The following FLRT2 variants were observed in gnomAD, a reference collection of about 807,000 sequenced individuals.
FLRT2 encodes the protein fibronectin leucine rich transmembrane protein 2, also known as leucine-rich repeat transmembrane protein FLRT2.
In FLRT2, 15 loss-of-function variants were observed where a neutral mutation model predicts 40.0. That is an observed-to-expected ratio of 0.38 (90% CI 0.25 to 0.58). FLRT2 has a LOEUF of 0.58. Among genes scored for constraint, FLRT2 ranks in the 20% least tolerant of loss-of-function variants. The probability of loss-of-function intolerance (pLI) is 0.71; values close to 1 mark genes in which losing one functional copy is unlikely to be tolerated. For missense variants in FLRT2, 726 were observed against 840.0 expected (o/e 0.86, Z 1.68); for synonymous variants, 380 against 336.8 (o/e 1.13, Z -1.41).
intron 1 of FLRT2, among the ~76,000 whole-genome samples, chr14:85,533,874 C>CCGCCGCCGT (rs1379351579): frequency 6.6e-6 from 1 of 151,890 alleles, no homozygotes; most frequent in African/African-American, 2.4e-5. Flanking sequence ...GCTCCAGCAG[C>CCGCCGCCGT]CGCCGCCGTC....
rs1566774427 is a variant in FLRT2 at position 85,643,319 on chromosome 14, CT to C, written c.*19825del. On this transcript the variant is annotated 3_prime_UTR_variant, in exon 2 of 2. Coordinates refer to ENST00000330753, the MANE Select transcript of FLRT2 (RefSeq NM_013231.6). Reference sequence around the variant, plus strand: ...TCTTTCTTTCTTTCTTTCTTTCTTTCTTTCTTTCTTTCTTTCTTTCTTTCTT... The same window carrying C: ...TCTTTCTTTCTTTCTTTCTTTCTTTCTTCTTTCTTTCTTTCTTTCTTTCTT... 5.6e-5 allele frequency: 6 copies of C among 107,506 alleles called. No individual in the cohort carries two copies. Among genetic ancestry groups the C allele is most frequent in the South Asian group, 3.9e-4 (1 of 2,592 alleles). The allele number at this position is 107,506 out of a possible 1,614,324, so 6.7% of individuals were successfully genotyped here.
intron 1 of FLRT2, among the ~76,000 whole-genome samples, chr14:85,542,840 A>G (rs1236958667): frequency 6.6e-6 from 1 of 152,184 alleles, no homozygotes; most frequent in Non-Finnish European, 1.5e-5. Flanking sequence ...ACAAAGATTG[A>G]GTCCTCACTG....
At chr14:85,553,558 T>A (rs1384556175) in intron 1 of FLRT2, among the ~76,000 whole-genome samples, 1 of 152,194 alleles carries the variant, frequency 6.6e-6, no homozygotes, top group Non-Finnish European at 1.5e-5. Context: ...AAGCTTGATC[T>A]AAGGGTTATT....
rs1177964032 is a variant in FLRT2 at position 85,632,200 on chromosome 14, C to T, written c.*8703C>T. The stretch of plus-strand genomic sequence containing the variant: ...TGCAGAAAAGCATACAAAGAGGTAT[C>T]TTTAAAAATCACCTTAATCCCAGCA... On this transcript the variant is annotated 3_prime_UTR_variant, in exon 2 of 2. Transcript: ENST00000330753. 1.3e-5 allele frequency: 2 copies of T among 150,452 alleles called. No individual in the cohort carries two copies. Among genetic ancestry groups the T allele is most frequent in the Non-Finnish European group, 3.0e-5 (2 of 67,772 alleles). 9.3% of individuals were successfully genotyped at this position (150,452 alleles called of 1,614,324 possible). A position where few individuals can be genotyped will look rare whatever the true frequency, so the allele number is the denominator to read the frequency against.
rs1481794006 is a variant in FLRT2 at position 85,648,560 on chromosome 14, C to T, written c.*25063C>T. ...TCCTGATTCCCAGAGAGCAATCACTCAGATGTGCTCTTGTACTTAATACTT... is the reference window on the plus strand; with the variant it reads ...TCCTGATTCCCAGAGAGCAATCACTTAGATGTGCTCTTGTACTTAATACTT... On this transcript the variant is annotated 3_prime_UTR_variant, in exon 2 of 2. Coordinates refer to ENST00000330753, the MANE Select transcript of FLRT2 (RefSeq NM_013231.6). The T allele has an allele frequency of 6.6e-6, 1 of 152,170 alleles. No individual in the cohort carries two copies. The highest frequency in any genetic ancestry group is 2.4e-5 in the African/African-American group (1 of 41,458). The allele number at this position is 152,170 out of a possible 1,614,324, so 9.4% of individuals were successfully genotyped here. A position where few individuals can be genotyped will look rare whatever the true frequency, so the allele number is the denominator to read the frequency against.
At chr14:85,542,992 C>T (rs180801254) in intron 1 of FLRT2, among the ~76,000 whole-genome samples, 6 of 152,262 alleles carry the variant, frequency 3.9e-5, no homozygotes, top group Middle Eastern at 3.4e-3. Flanking sequence ...CTGAATTAAC[C>T]GAAGGAGCTG....
At chr14:85,535,892 G>GTTTTGT (rs1566713949) in intron 1 of FLRT2, among the ~76,000 whole-genome samples, 4 of 57,894 alleles carry the variant, frequency 6.9e-5, no homozygotes, top group Non-Finnish European at 1.0e-4. Context: ...AAGGAATGCT[G>GTTTTGT]TTTTTTTTTT....
rs1050333940 is a variant in FLRT2 at position 85,624,057 on chromosome 14, A to C, written c.*560A>C. The C allele has an allele frequency of 1.2e-5, 2 of 167,130 alleles. No homozygotes were observed. The highest frequency in any genetic ancestry group is 1.9e-4 in the East Asian group (1 of 5,202). 10.4% of individuals were successfully genotyped at this position (167,130 alleles called of 1,614,324 possible). ...ACCCTGTGTGGGAAATGCTGAAAGC[A>C]CCAGGAGGAAGCCGGTTCCCGTGAG... is the stretch of plus-strand genomic sequence containing the variant. On this transcript the variant is annotated 3_prime_UTR_variant, in exon 2 of 2. Coordinates refer to ENST00000330753, the MANE Select transcript of FLRT2 (RefSeq NM_013231.6).
chr14:85,621,547 T>C lies in FLRT2; in HGVS notation c.33T>C (p.His11=), dbSNP rs1023697101. The stretch of plus-strand genomic sequence containing the variant: ...TACAGACCACAAAGTGGCCCAGCCA[T>C]GGGGCTTTTTTCCTGAAGTCTTGGC... MGLQTTKWPS[H]GAFFLKSWLI... Residue 11 remains histidine (H), a synonymous_variant, in exon 2 of 2, where the codon CAT becomes CAC. Transcript: ENST00000330753. 4 of 1,613,714 alleles carry C rather than the reference T, an allele frequency of 2.5e-6. No individual in the cohort carries two copies. Among genetic ancestry groups the C allele is most frequent in the Non-Finnish European group, 2.5e-6 (3 of 1,179,908 alleles).
intron 1 of FLRT2, among the ~76,000 whole-genome samples, chr14:85,600,071 G>A (rs1457193605): frequency 1.3e-5 from 2 of 152,166 alleles, no homozygotes; most frequent in African/African-American, 4.8e-5. Flanking sequence ...TCATTTATGG[G>A]GGTAGCTATA....
At chr14:85,577,688 G>A (rs1771219786) in intron 1 of FLRT2, among the ~76,000 whole-genome samples, 1 of 151,910 alleles carries the variant, frequency 6.6e-6, no homozygotes, top group Admixed American at 6.6e-5. Context: ...CTGGGCACAA[G>A]TGGTCCTCCT....
chr14:85,606,681 C>A (rs1359591561), intron 1 of FLRT2, among the ~76,000 whole-genome samples: 2 of 151,272 alleles, frequency 1.3e-5, no homozygotes, highest in East Asian at 3.9e-4. Context: ...CGCACCACCA[C>A]GCCCAGCTAA....
chr14:85,640,622 T>A lies in FLRT2; in HGVS notation c.*17125T>A, dbSNP rs984962627. On this transcript the variant is annotated 3_prime_UTR_variant, in exon 2 of 2. Transcript: ENST00000330753. ...GATTGAACTACTTGCTGCCATAAAT[T>A]TTTTACTATTGAATAAATATGCTTT... 6.6e-6 allele frequency: 1 copy of A among 152,158 alleles called. No individual in the cohort carries two copies. Among genetic ancestry groups the A allele is most frequent in the Admixed American group, 6.5e-5 (1 of 15,272 alleles). 9.4% of individuals were successfully genotyped at this position (152,158 alleles called of 1,614,324 possible). A position where few individuals can be genotyped will look rare whatever the true frequency, so the allele number is the denominator to read the frequency against.
chr14:85,558,938 T>C lies in FLRT2; in HGVS notation c.-377+28404T>C, dbSNP rs538747639. Among the ~76,000 whole-genome samples the C allele has an allele frequency of 6.6e-5, 10 of 152,348 alleles. No homozygotes were observed. The East Asian group carries it at 1.9e-3, about 29-fold the overall frequency. Reference sequence around the variant, plus strand: ...GCATAGTTTTCTCTGGATTGGATAATGTGTACAGGTGGCTAGTGGCTTCCT... The same window carrying C: ...GCATAGTTTTCTCTGGATTGGATAACGTGTACAGGTGGCTAGTGGCTTCCT... On this transcript the variant is annotated intron_variant, in intron 1 of 1. Transcript: ENST00000330753.
intron 1 of FLRT2, among the ~76,000 whole-genome samples, chr14:85,553,285 A>G (rs1053703932): frequency 6.6e-6 from 1 of 152,210 alleles, no homozygotes; most frequent in Non-Finnish European, 1.5e-5. Flanking sequence ...TAGAATGCAG[A>G]CAGGGAGTTT....
Position 85,630,116 on chromosome 14 carries a change from C to T in FLRT2, c.*6619C>T, listed in dbSNP as rs1893826777. The T allele has an allele frequency of 6.6e-6, 1 of 151,944 alleles. No individual in the cohort carries two copies. Among genetic ancestry groups the T allele is most frequent in the South Asian group, 2.1e-4 (1 of 4,822 alleles). 9.4% of individuals were successfully genotyped at this position (151,944 alleles called of 1,614,324 possible). A position where few individuals can be genotyped will look rare whatever the true frequency, so the allele number is the denominator to read the frequency against. On this transcript the variant is annotated 3_prime_UTR_variant, in exon 2 of 2. Transcript: ENST00000330753. ...TAGTAAACTGGCTTCTGAATTTATGCTCTTTTTTTTTCCCATAACATAGAT... is the reference window on the plus strand; with the variant it reads ...TAGTAAACTGGCTTCTGAATTTATGTTCTTTTTTTTTCCCATAACATAGAT...
rs985972280 is a variant in FLRT2 at position 85,624,683 on chromosome 14, C to A, written c.*1186C>A. ...TTTCATAATTAGTTGTTTATGACAC[C>A]TTTGTTTTTCTCCCTCTGTTCAGTA... On this transcript the variant is annotated 3_prime_UTR_variant, in exon 2 of 2. Transcript: ENST00000330753. The A allele has an allele frequency of 9.6e-5, 16 of 166,778 alleles. No homozygotes were observed. Among genetic ancestry groups the A allele is most frequent in the Non-Finnish European group, 2.3e-4 (16 of 68,096 alleles). 10.3% of individuals were successfully genotyped at this position (166,778 alleles called of 1,614,324 possible).
At chr14:85,605,701 G>A (rs759950340) in intron 1 of FLRT2, among the ~76,000 whole-genome samples, 13 of 152,054 alleles carry the variant, frequency 8.5e-5, no homozygotes, top group East Asian at 1.9e-4. Context: ...ACTGGAGCTC[G>A]CAGTGAGCCA....
At chr14:85,601,162 G>A (rs1444880792) in intron 1 of FLRT2, among the ~76,000 whole-genome samples, 1 of 152,136 alleles carries the variant, frequency 6.6e-6, no homozygotes, top group Non-Finnish European at 1.5e-5. Flanking sequence ...AAGCTGAAGT[G>A]CTGTAGGTAG....
Sources: gnomAD v4.1 joint callset for allele counts (sites outside exome capture counted in the v4.1 genomes callset) on GRCh38, gnomAD v4.1.1 for gene constraint, MANE v1.5 for transcripts, NCBI Gene and HGNC (gene_info 2026-07-23, HGNC 2026-07-21) for gene names.